The following C1QTNF3 variants were observed in gnomAD, a reference collection of about 807,000 sequenced individuals.
The protein encoded by C1QTNF3 is complement C1q tumor necrosis factor-related protein 3.
A neutral mutation model predicts 32.6 loss-of-function variants in C1QTNF3; 26 were observed. The ratio of observed to expected loss-of-function variants is 0.80; its 90% CI spans 0.58 to 1.11. The LOEUF is 1.11. C1QTNF3 is among the 50% of genes least tolerant of loss of function. The pLI, the probability that C1QTNF3 is intolerant of heterozygous loss-of-function variation, is 0.00. For synonymous variants in C1QTNF3, 155 were observed against 146.0 expected (o/e 1.06, Z -0.44); for missense variants, 362 against 398.2 (o/e 0.91, Z 0.77).
At chr5:34,068,521 A>G in the C1QTNF3 span, among the ~76,000 whole-genome samples, 1 of 152,000 alleles carries the variant, frequency 6.6e-6, no homozygotes, top group Non-Finnish European at 1.5e-5. Context: ...AAATATATAT[A>G]CGTATATAGA....
At chr5:34,194,101 A>G in the C1QTNF3 span, among the ~76,000 whole-genome samples, 3 of 152,316 alleles carry the variant, frequency 2.0e-5, no homozygotes, top group East Asian at 3.9e-4. Flanking sequence ...GTTGCTCCCA[A>G]CTCTGCTTTG....
chr5:34,118,059 C>T, the C1QTNF3 span, among the ~76,000 whole-genome samples: 66 of 152,116 alleles, frequency 4.3e-4, no homozygotes, highest in African/African-American at 1.3e-3. Flanking sequence ...ATTATCTTTA[C>T]CAGTATTCTG....
At chr5:34,218,788 C>T in the C1QTNF3 span, among the ~76,000 whole-genome samples, 1 of 152,036 alleles carries the variant, frequency 6.6e-6, no homozygotes, top group African/African-American at 2.4e-5. Context: ...GTCCCATCTG[C>T]CTAGACTGTA....
At chr5:34,043,295 C>A (rs1754921069), upstream of C1QTNF3, 3 of 643,234 alleles carry the variant, frequency 4.7e-6, no homozygotes, top group Non-Finnish European at 5.3e-6. Context: ...CAGCAGCCCT[C>A]CTCCCCAGGC....
chr5:34,088,630 T>C, the C1QTNF3 span, among the ~76,000 whole-genome samples: 1 of 152,210 alleles, frequency 6.6e-6, no homozygotes, highest in Non-Finnish European at 1.5e-5. Flanking sequence ...TCTCCCTCTG[T>C]TGGAAAAATC....
the C1QTNF3 span, among the ~76,000 whole-genome samples, chr5:34,078,649 C>T: frequency 5.3e-5 from 8 of 151,682 alleles, no homozygotes; most frequent in African/African-American, 2.0e-4. This position sits in a 1 kb window ranked among gnomAD's most constrained non-coding sequence, Gnocchi z 4.0. Flanking sequence ...TGGGTGGGGA[C>T]ACAGACGCAC....
At chr5:34,062,635 C>A in the C1QTNF3 span, among the ~76,000 whole-genome samples, 2 of 152,182 alleles carry the variant, frequency 1.3e-5, no homozygotes, top group South Asian at 4.1e-4. Context: ...TTACTGAATA[C>A]CCATTGTGGT....
At chr5:34,177,467 C>G in the C1QTNF3 span, among the ~76,000 whole-genome samples, 2 of 148,014 alleles carry the variant, frequency 1.4e-5, no homozygotes, top group African/African-American at 2.5e-5. Flanking sequence ...GAGGCAAGCA[C>G]GACCATACCC....
At chr5:34,136,244 T>C in the C1QTNF3 span, among the ~76,000 whole-genome samples, 1 of 152,268 alleles carries the variant, frequency 6.6e-6, no homozygotes, top group Non-Finnish European at 1.5e-5. Context: ...TTTTGCAATC[T>C]ACCCATCTGA....
At chr5:34,042,783 T>C (rs1754903429) in intron 1 of C1QTNF3, 40 bp downstream of exon 1, 1 of 1,549,056 alleles carries the variant, frequency 6.5e-7, no homozygotes, top group African/African-American at 1.4e-5. Context: ...CAACACTCAT[T>C]AAGCTTTCAC....
the C1QTNF3 span, among the ~76,000 whole-genome samples, chr5:34,163,761 C>T: frequency 6.6e-6 from 1 of 152,030 alleles, no homozygotes; most frequent in African/African-American, 2.4e-5. Context: ...TAAATACTAC[C>T]TAGTAAACAC....
chr5:34,195,309 G>C, the C1QTNF3 span, among the ~76,000 whole-genome samples: 4 of 144,288 alleles, frequency 2.8e-5, no homozygotes, highest in Non-Finnish European at 6.0e-5. Context: ...CCATCTGGTA[G>C]GAATATATAT....
At chr5:34,217,638 A>G in the C1QTNF3 span, among the ~76,000 whole-genome samples, 1 of 152,166 alleles carries the variant, frequency 6.6e-6, no homozygotes, top group South Asian at 2.1e-4. Context: ...ATCCAGATGC[A>G]AGGAATGCTG....
the C1QTNF3 span, among the ~76,000 whole-genome samples, chr5:34,236,592 T>C: frequency 7.3e-6 from 1 of 137,156 alleles, no homozygotes; most frequent in Non-Finnish European, 1.6e-5. Flanking sequence ...TTTTTTTTTT[T>C]TGAGGAGTTT....
chr5:34,174,185 G>A, the C1QTNF3 span, among the ~76,000 whole-genome samples: 5 of 152,320 alleles, frequency 3.3e-5, no homozygotes, highest in East Asian at 9.6e-4. Context: ...AGCCTCCTGA[G>A]TAACTGGGAC....
Position 34,042,904 on chromosome 5 carries a change from TG to T in C1QTNF3, c.221del (p.Thr74LysfsTer3), listed in dbSNP as rs780118939. On this transcript the variant is annotated frameshift_variant, in exon 1 of 6. Coordinates refer to ENST00000382065, the MANE Select transcript of C1QTNF3 (RefSeq NM_181435.6). LOFTEE classifies it high-confidence loss of function. ...KTGTVDNNTS[T>X]DLKSLRPDEL... ...CATCTGGTCTCAGGGATTTTAGGTC[TG>T]TAGAAGTGTTATTATCCACAGTCCC... 7 of 1,614,098 alleles carry T rather than the reference TG, an allele frequency of 4.3e-6. No individual in the cohort carries two copies. Among genetic ancestry groups the T allele is most frequent in the Non-Finnish European group, 5.9e-6 (7 of 1,180,044 alleles).
chr5:34,143,898 A>G, the C1QTNF3 span, among the ~76,000 whole-genome samples: 1 of 152,298 alleles, frequency 6.6e-6, no homozygotes, highest in South Asian at 2.1e-4. Context: ...CTCAGCTAAC[A>G]ACATGATGAA....
At chr5:34,026,456 CAA>C (rs11335593) in intron 4 of C1QTNF3, among the ~76,000 whole-genome samples, 132 of 92,696 alleles carry the variant, frequency 1.4e-3, no homozygotes, top group Non-Finnish European at 2.2e-3. Flanking sequence ...AATCTGCCAG[CAA>C]AAAAAAAAAA....
intron 5 of C1QTNF3, 134 bp from the exon 6 acceptor site, chr5:34,020,876 A>G (rs1452167075): frequency 1.2e-6 from 1 of 867,534 alleles, no homozygotes; most frequent in Non-Finnish European, 1.8e-6. Context: ...GCCTGTGAGC[A>G]GAAATGACCT....
Sources: allele counts gnomAD v4.1 joint callset (sites outside exome capture counted in the v4.1 genomes callset), GRCh38; gene constraint gnomAD v4.1.1; non-coding constraint Gnocchi (gnomAD v3.1); transcripts MANE v1.5; gene names NCBI Gene and HGNC (gene_info 2026-07-23, HGNC 2026-07-21).